Variants in ZNF385B observed in about 807,000 individuals in gnomAD.
ZNF385B encodes the protein zinc finger protein 385B, also known as zinc finger protein 533.
A neutral mutation model predicts 39.2 loss-of-function variants in ZNF385B; 23 were observed. The observed-to-expected ratio is 0.59, with a 90% confidence interval of 0.42 to 0.83. ZNF385B has a LOEUF of 0.83. Ranked by LOEUF, ZNF385B falls within the 40% of genes least tolerant of loss-of-function variation. The probability of loss-of-function intolerance (pLI) is 0.00; values close to 1 mark genes in which losing one functional copy is unlikely to be tolerated. For synonymous variants in ZNF385B, 205 were observed against 222.6 expected (o/e 0.92, Z 0.70); for missense variants, 552 against 598.9 (o/e 0.92, Z 0.82).
At chr2:179,677,117 A>C (rs572792084) in intron 3 of ZNF385B, among the ~76,000 whole-genome samples, 21 of 152,192 alleles carry the variant, frequency 1.4e-4, no homozygotes, top group Non-Finnish European at 2.9e-4. Context: ...GGGAGCTTCA[A>C]ACTGCATTCC....
At chr2:179,646,794 G>A (rs531144173) in intron 3 of ZNF385B, among the ~76,000 whole-genome samples, 170 of 152,316 alleles carry the variant, frequency 1.1e-3, no homozygotes, top group Middle Eastern at 3.4e-3. Context: ...ATAGGTATGT[G>A]ATTTTTGAAT....
chr2:179,739,818 C>G (rs1701982372), intron 3 of ZNF385B, among the ~76,000 whole-genome samples: 1 of 152,068 alleles, frequency 6.6e-6, no homozygotes, highest in Non-Finnish European at 1.5e-5. Context: ...CTCCTTACCC[C>G]CATTAAAGCA....
Position 179,569,759 on chromosome 2 carries a change from A to G in ZNF385B, c.299-24790T>C, listed in dbSNP as rs962703912. Among the ~76,000 whole-genome samples, 8 of 152,226 alleles carry G rather than the reference A, an allele frequency of 5.3e-5. No individual in the cohort carries two copies. In the South Asian group the frequency reaches 1.7e-3, roughly 31 times the overall value. On this transcript the variant is annotated intron_variant, in intron 3 of 9. Coordinates refer to ENST00000410066, the MANE Select transcript of ZNF385B (RefSeq NM_152520.6). ...TATGAAGAAAGGTCAATATTGGCTTATAGCACCAAGGCTATAGATACAGTC... is the reference window on the plus strand; with the variant it reads ...TATGAAGAAAGGTCAATATTGGCTTGTAGCACCAAGGCTATAGATACAGTC...
rs138217059 is a variant in ZNF385B, at chr2:179,558,961, G to C, written c.299-13992C>G. On this transcript the variant is annotated intron_variant, in intron 3 of 9. Coordinates refer to ENST00000410066, the MANE Select transcript of ZNF385B (RefSeq NM_152520.6). The stretch of plus-strand genomic sequence containing the variant: ...GAGTGAGCAGAGACTGTGAGTATGG[G>C]GTAAAATTGGAGCTACAATGGGAAA... 3.9e-5 allele frequency among the ~76,000 whole-genome samples: 6 copies of C among 152,244 alleles called. No individual in the cohort carries two copies. In the East Asian group the frequency reaches 1.2e-3, roughly 29 times the overall value.
intron 3 of ZNF385B, among the ~76,000 whole-genome samples, chr2:179,546,240 T>C (rs2105911992): frequency 1.3e-5 from 2 of 152,100 alleles, no homozygotes. Flanking sequence ...TTTTGCCACA[T>C]TGCCCACGCT....
intron 1 of ZNF385B, among the ~76,000 whole-genome samples, chr2:179,825,022 A>G (rs1298638189): frequency 6.6e-6 from 1 of 152,224 alleles, no homozygotes; most frequent in Non-Finnish European, 1.5e-5. Context: ...TGTAAGAAAC[A>G]CAGCACTGCT....
intron 4 of ZNF385B, among the ~76,000 whole-genome samples, chr2:179,539,130 C>T (rs929930526): frequency 2.0e-5 from 3 of 152,180 alleles, no homozygotes; most frequent in Non-Finnish European, 4.4e-5. Flanking sequence ...TTTATTCTCT[C>T]ATAGTTCTGG....
At chr2:179,693,409 T>G (rs964337255) in intron 3 of ZNF385B, among the ~76,000 whole-genome samples, 1 of 152,184 alleles carries the variant, frequency 6.6e-6, no homozygotes, top group Admixed American at 6.6e-5. Context: ...AATATATGAA[T>G]AGAGAAATAT....
chr2:179,720,578 A>G (rs1446178031), intron 3 of ZNF385B, among the ~76,000 whole-genome samples: 1 of 151,802 alleles, frequency 6.6e-6, no homozygotes, highest in African/African-American at 2.4e-5. Flanking sequence ...AAGAAGGGAA[A>G]GAGAAAACAC....
chr2:179,832,258 T>C (rs1367866075), intron 1 of ZNF385B, among the ~76,000 whole-genome samples: 1 of 152,176 alleles, frequency 6.6e-6, no homozygotes, highest in Non-Finnish European at 1.5e-5. Context: ...TTCCAGGATA[T>C]TCCTTGAAGT....
chr2:179,446,491 A>G, intron 7 of ZNF385B, 34 bp downstream of exon 7: 3 of 1,588,268 alleles, frequency 1.9e-6, no homozygotes, highest in Non-Finnish European at 2.6e-6. Flanking sequence ...GTTTTGTTAT[A>G]AACATTATTT....
rs1704309826 is a variant in ZNF385B, at chr2:179,776,252, C to T, written c.-154-5580G>A. Among the ~76,000 whole-genome samples, 3 of 152,266 alleles carry T rather than the reference C, an allele frequency of 2.0e-5. No individual in the cohort carries two copies. In the South Asian group the frequency reaches 6.2e-4, roughly 32 times the overall value. On this transcript the variant is annotated intron_variant, in intron 1 of 9. Coordinates refer to ENST00000410066, the MANE Select transcript of ZNF385B (RefSeq NM_152520.6). ...ACTGTCAGTCTTACCAGAAGATTGACAGGGGGCAGGAAATGGACACTGAGA... is the reference window on the plus strand; with the variant it reads ...ACTGTCAGTCTTACCAGAAGATTGATAGGGGGCAGGAAATGGACACTGAGA...
At chr2:179,851,899 G>T (rs946744800) in intron 1 of ZNF385B, among the ~76,000 whole-genome samples, 1 of 152,176 alleles carries the variant, frequency 6.6e-6, no homozygotes, top group Non-Finnish European at 1.5e-5. Context: ...TTTTCCTAAA[G>T]ATCAGACTAC....
At position 179,789,389 on chromosome 2, in the gene ZNF385B, C is replaced by T. The variant is rs114380726; in HGVS notation, c.-154-18717G>A. On this transcript the variant is annotated intron_variant, in intron 1 of 9. Coordinates refer to ENST00000410066, the MANE Select transcript of ZNF385B (RefSeq NM_152520.6). ...CCACTGAAACAAATCTTAATATCCT[C>T]GGGTGACTATATCAGACTGTAGACC... 3.7e-3 allele frequency among the ~76,000 whole-genome samples: 567 copies of T among 152,240 alleles called. 5 individuals carry two copies. Among genetic ancestry groups the T allele is most frequent in the African/African-American group, 0.013 (536 of 41,554 alleles).
chr2:179,747,539 A>G (rs1702452115), intron 3 of ZNF385B, among the ~76,000 whole-genome samples: 1 of 152,108 alleles, frequency 6.6e-6, no homozygotes, highest in Non-Finnish European at 1.5e-5. Flanking sequence ...TGCCTCACCC[A>G]ACACACACAT....
intron 3 of ZNF385B, among the ~76,000 whole-genome samples, chr2:179,739,697 C>A (rs1396197709): frequency 3.3e-5 from 5 of 152,106 alleles, no homozygotes; most frequent in Admixed American, 6.6e-5. Context: ...AATTTACCAA[C>A]CCTGGAGTAT....
intron 9 of ZNF385B, among the ~76,000 whole-genome samples, chr2:179,443,678 G>C (rs755736459): frequency 7.2e-5 from 11 of 152,214 alleles, no homozygotes; most frequent in Non-Finnish European, 8.8e-5. Flanking sequence ...CTTTGCTCCT[G>C]TGTGCTAGGG....
intron 1 of ZNF385B, among the ~76,000 whole-genome samples, chr2:179,848,860 C>T (rs2106625739): frequency 6.6e-6 from 1 of 152,180 alleles, no homozygotes; most frequent in South Asian, 2.1e-4. Context: ...GGGTGTCGGT[C>T]TCTTTCAGGT....
In ZNF385B at chr2:179,807,104, T is replaced by A. The variant is rs150644528; in HGVS notation, c.-154-36432A>T. ...CTTGCCAAGGAAATAAACAGAGAAATGTCCGTTTCTACCATGTTTGCATTG... is the reference window on the plus strand; with the variant it reads ...CTTGCCAAGGAAATAAACAGAGAAAAGTCCGTTTCTACCATGTTTGCATTG... On this transcript the variant is annotated intron_variant, in intron 1 of 9. Transcript: ENST00000410066. Among the ~76,000 whole-genome samples the A allele has an allele frequency of 2.9e-3, 447 of 152,220 alleles. 5 individuals are homozygous for A. The highest frequency in any genetic ancestry group is 0.01 in the African/African-American group (432 of 41,538).
Sources: allele counts gnomAD v4.1 joint callset (sites outside exome capture counted in the v4.1 genomes callset), GRCh38; gene constraint gnomAD v4.1.1; transcripts MANE v1.5; gene names NCBI Gene and HGNC (gene_info 2026-07-23, HGNC 2026-07-21).